ANKS1B: variants seen among roughly 807,000 people sequenced by gnomAD.
ANKS1B encodes ankyrin repeat and sterile alpha motif domain containing 1B.
A neutral mutation model predicts 148.3 loss-of-function variants in ANKS1B; 36 were observed. The ratio of observed to expected loss-of-function variants is 0.24; its 90% CI spans 0.19 to 0.32. The LOEUF is 0.32. Among genes scored for constraint, ANKS1B ranks in the 10% least tolerant of loss-of-function variants. The pLI is 1.00. For synonymous variants in ANKS1B, 542 were observed against 560.8 expected, an observed-to-expected ratio of 0.97 and a Z score of 0.47; for missense variants, 1,157 against 1,542.6, an observed-to-expected ratio of 0.75 and a Z score of 4.19.
At chr12:99,332,033 T>C (rs756171837) in intron 12 of ANKS1B, among the ~76,000 whole-genome samples, 3 of 152,160 alleles carry the variant, frequency 2.0e-5, no homozygotes, top group South Asian at 2.1e-4. Flanking sequence ...CACCACTAAG[T>C]AGTCCTTCCG....
At chr12:98,760,248 C>T (rs184017669) in intron 25 of ANKS1B, among the ~76,000 whole-genome samples, 6 of 149,760 alleles carry the variant, frequency 4.0e-5, no homozygotes, top group Admixed American at 1.3e-4. Context: ...AAGTCTTTTG[C>T]GTTTAAAATA....
At chr12:99,283,450 TCTTC>T (rs2078732824) in intron 12 of ANKS1B, among the ~76,000 whole-genome samples, 1 of 152,216 alleles carries the variant, frequency 6.6e-6, no homozygotes, top group African/African-American at 2.4e-5. Context: ...CTGTTTGTTC[TCTTC>T]CTGTGTTTTG....
intron 15 of ANKS1B, among the ~76,000 whole-genome samples, chr12:99,115,932 CAA>C (rs60585792): frequency 0.075 from 4,837 of 64,888 alleles, 126 homozygotes; most frequent in African/African-American, 0.17. Context: ...GACTCCGTCT[CAA>C]AAAAAAAAAA....
chr12:99,564,776 C>T lies in ANKS1B; in HGVS notation c.1273-60135G>A, dbSNP rs148750629. 2.7e-3 allele frequency among the ~76,000 whole-genome samples: 413 copies of T among 152,194 alleles called. 2 individuals carry two copies. Among genetic ancestry groups the T allele is most frequent in the African/African-American group, 9.7e-3 (402 of 41,558 alleles). ...TTACACTACTGCAATCTCCTTGTTG[C>T]TATATCTTGAAATTTTTCAAACTTG... On this transcript the variant is annotated intron_variant, in intron 9 of 26. Transcript: ENST00000683438.
At chr12:99,527,526 A>G (rs2096938782) in intron 9 of ANKS1B, among the ~76,000 whole-genome samples, 4 of 152,166 alleles carry the variant, frequency 2.6e-5, no homozygotes. Context: ...TTCTTACTAA[A>G]TCGGAATCTC....
At chr12:99,654,613 G>C (rs1456020520) in intron 9 of ANKS1B, among the ~76,000 whole-genome samples, 1 of 152,012 alleles carries the variant, frequency 6.6e-6, no homozygotes, top group Non-Finnish European at 1.5e-5. Flanking sequence ...TTCATTTTTG[G>C]ATTTTATTCC....
chr12:99,702,525 T>G (rs567033500), intron 8 of ANKS1B, among the ~76,000 whole-genome samples: 16 of 152,162 alleles, frequency 1.1e-4, no homozygotes, highest in Non-Finnish European at 1.8e-4. Context: ...TACTTTCCTA[T>G]GCAGAAGGTT....
intron 12 of ANKS1B, among the ~76,000 whole-genome samples, chr12:99,286,329 G>A (rs927206510): frequency 6.6e-6 from 1 of 151,904 alleles, no homozygotes; most frequent in East Asian, 1.9e-4. Flanking sequence ...TCCTTGAAGG[G>A]AAGGACCCAG....
At position 99,538,091 on chromosome 12, in the gene ANKS1B, T is replaced by A. The variant is rs149381642; in HGVS notation, c.1273-33450A>T. Among the ~76,000 whole-genome samples the A allele has an allele frequency of 6.1e-3, 928 of 152,240 alleles. 8 individuals are homozygous for A. Among genetic ancestry groups the A allele is most frequent in the African/African-American group, 0.02 (850 of 41,570 alleles). On this transcript the variant is annotated intron_variant, in intron 9 of 26. Transcript: ENST00000683438. ...TAGGTGTGTTTATTTGTTTCTGTGT[T>A]CTCTATTCTTTTCCATTGGTCTATG...
rs532080401 is a variant in ANKS1B, at chr12:99,547,164, C to G, written c.1273-42523G>C. On this transcript the variant is annotated intron_variant, in intron 9 of 26. Transcript: ENST00000683438. ...GTTTGCATCTGAGTTTGCCCCTTTA[C>G]TTTCTAGATCTTAGACTTGAAGCAA... Among the ~76,000 whole-genome samples the G allele has an allele frequency of 1.3e-4, 20 of 152,142 alleles. 1 individual carries two copies. In the South Asian group the frequency reaches 3.3e-3, roughly 25 times the overall value.
intron 1 of ANKS1B, among the ~76,000 whole-genome samples, chr12:99,924,048 AC>A (rs2094429323): frequency 6.6e-6 from 1 of 152,184 alleles, no homozygotes; most frequent in South Asian, 2.1e-4. Context: ...TAAATTTTAT[AC>A]CTGTGGCAAG....
intron 17 of ANKS1B, among the ~76,000 whole-genome samples, chr12:98,968,273 A>G (rs1446595373): frequency 6.6e-6 from 1 of 152,176 alleles, no homozygotes; most frequent in Non-Finnish European, 1.5e-5. Flanking sequence ...TCAAAGTGTA[A>G]TTCGCAGACC....
intron 8 of ANKS1B, among the ~76,000 whole-genome samples, chr12:99,734,553 C>A (rs879605315): frequency 6.6e-6 from 1 of 152,158 alleles, no homozygotes; most frequent in Non-Finnish European, 1.5e-5. Context: ...CTCAGCCTCC[C>A]AAAGTGCTGG....
At chr12:99,213,166 T>C (rs1471695025) in intron 14 of ANKS1B, among the ~76,000 whole-genome samples, 1 of 152,238 alleles carries the variant, frequency 6.6e-6, no homozygotes, top group Non-Finnish European at 1.5e-5. Flanking sequence ...CACCTGCCAG[T>C]GACCTGCTTT....
intron 1 of ANKS1B, among the ~76,000 whole-genome samples, chr12:99,883,854 T>A (rs1446338975): frequency 2.0e-5 from 3 of 152,166 alleles, no homozygotes; most frequent in Admixed American, 6.5e-5. Context: ...TGGCAGAGGT[T>A]GTAGTGAGCT....
At chr12:99,282,463 ATG>A (rs2078600131) in intron 12 of ANKS1B, among the ~76,000 whole-genome samples, 1 of 152,154 alleles carries the variant, frequency 6.6e-6, no homozygotes, top group Admixed American at 6.6e-5. Flanking sequence ...GAGATGTGAC[ATG>A]TGTTTTCAAA....
intron 11 of ANKS1B, among the ~76,000 whole-genome samples, chr12:99,411,090 A>G (rs1329114982): frequency 6.6e-6 from 1 of 152,216 alleles, no homozygotes; most frequent in East Asian, 1.9e-4. Context: ...CTCAGTAAAG[A>G]AAGTAGAAAT....
At chr12:99,317,883 G>T (rs1031311390) in intron 12 of ANKS1B, among the ~76,000 whole-genome samples, 1 of 152,198 alleles carries the variant, frequency 6.6e-6, no homozygotes, top group Non-Finnish European at 1.5e-5. Flanking sequence ...AAGCGTTGTT[G>T]AATTTTGTCA....
intron 17 of ANKS1B, among the ~76,000 whole-genome samples, chr12:98,848,604 G>A (rs1466381937): frequency 1.3e-5 from 2 of 151,086 alleles, no homozygotes; most frequent in East Asian, 3.9e-4. Context: ...TGTCGCCCAG[G>A]CTGGAGTACA....
Sources: gnomAD v4.1 joint callset for allele counts (sites outside exome capture counted in the v4.1 genomes callset) on GRCh38, gnomAD v4.1.1 for gene constraint, MANE v1.5 for transcripts, NCBI Gene and HGNC (gene_info 2026-07-23, HGNC 2026-07-21) for gene names.